Variants in OTUD4 observed in about 807,000 individuals in gnomAD.
OTUD4 encodes OTU domain-containing protein 4.
OTUD4 carries 24 observed loss-of-function variants against 130.4 expected under a neutral mutation model. That is an observed-to-expected ratio of 0.18 (90% confidence interval 0.13 to 0.26). The LOEUF (loss-of-function observed/expected upper bound fraction) is 0.26, where lower values mean the gene tolerates loss of function less well. Ranked by LOEUF, OTUD4 falls within the 10% of genes least tolerant of loss-of-function variation. OTUD4 has a pLI of 1.00. For synonymous variants in OTUD4, 420 were observed against 472.5 expected (o/e 0.89, Z 1.44); for missense variants, 1,031 against 1,329.4 (o/e 0.78, Z 3.49).
At position 145,142,045 on chromosome 4, in the gene OTUD4, T is replaced by C. The variant is rs538062818; in HGVS notation, c.1822+151A>G. The C allele has an allele frequency of 1.1e-4, 76 of 691,236 alleles. 1 individual carries two copies. In the South Asian group the frequency reaches 1.1e-3, roughly 10 times the overall value. 42.8% of individuals were successfully genotyped at this position (691,236 alleles called of 1,614,324 possible). A position where few individuals can be genotyped will look rare whatever the true frequency, so the allele number is the denominator to read the frequency against. ...ACCAAATGTACATGGTCTTTCCACATTGGAAGCAGAGCAAAGCAGAGTATC... is the reference window on the plus strand; with the variant it reads ...ACCAAATGTACATGGTCTTTCCACACTGGAAGCAGAGCAAAGCAGAGTATC... On this transcript the variant is annotated intron_variant, in intron 18 of 20. Transcript: ENST00000447906.
Position 145,138,705 on chromosome 4 carries a change from G to A in OTUD4, c.2125-55C>T, listed in dbSNP as rs1579238921. 8.6e-6 allele frequency: 13 copies of A among 1,504,032 alleles called. No individual in the cohort carries two copies. In the East Asian group the frequency reaches 2.7e-4, roughly 31 times the overall value. 93.2% of individuals were successfully genotyped at this position (1,504,032 alleles called of 1,614,324 possible). On this transcript the variant is annotated intron_variant, in intron 20 of 20. Coordinates refer to ENST00000447906, the MANE Select transcript of OTUD4 (RefSeq NM_001366057.1). ...AAAAGAGGAGAAAAAAGAGAGGTTT[G>A]GGTGGATATCAATCTACAAGTACTA...
Position 145,137,965 on chromosome 4 carries a change from G to C in OTUD4, c.2810C>G (p.Thr937Arg). 6.2e-7 allele frequency: 1 copy of C among 1,614,118 alleles called. No homozygotes were observed. The highest frequency in any genetic ancestry group is 2.2e-5 in the East Asian group (1 of 44,846). ...SVSSKPDEGR[T>R]EQSSQTRKAD... ...CTTTCGTGTCTGGGAAGATTGCTCT[G>C]TCCGGCCTTCGTCCGGCTTACTGCT... The change falls in exon 21 of 21, where the codon ACA becomes AGA. Residue 937 changes from threonine (T) to arginine (R), a missense_variant. Around this residue, in one of 3 missense-constraint regions of OTUD4, gnomAD observed 900 missense variants for 1,095.9 expected, o/e 0.82. Transcript: ENST00000447906.
intron 11 of OTUD4, 41 bp downstream of exon 11, chr4:145,152,500 G>A (rs373880244): frequency 9.5e-7 from 1 of 1,057,274 alleles, no homozygotes; most frequent in African/African-American, 1.6e-5. Flanking sequence ...TAGGCTAAAT[G>A]GAGGAGGCAG....
rs547179807 is a variant in OTUD4, at chr4:145,136,796, T to C, written c.*634A>G. 5.9e-5 allele frequency: 9 copies of C among 152,680 alleles called. No individual in the cohort carries two copies. Among genetic ancestry groups the C allele is most frequent in the African/African-American group, 2.2e-4 (9 of 41,568 alleles). 9.5% of individuals were successfully genotyped at this position (152,680 alleles called of 1,614,324 possible). On this transcript the variant is annotated 3_prime_UTR_variant, in exon 21 of 21. Transcript: ENST00000447906. Reference sequence around the variant, plus strand: ...AATATTAAAAGAACTATATACAACATTGCTAAGACACAGTTAATAGGCTGC... The same window carrying C: ...AATATTAAAAGAACTATATACAACACTGCTAAGACACAGTTAATAGGCTGC...
intron 5 of OTUD4, 143 bp downstream of exon 5, chr4:145,164,011 G>C (rs1751723205): frequency 1.9e-6 from 1 of 523,834 alleles, no homozygotes; most frequent in Non-Finnish European, 3.5e-6. Context: ...CCCGGCTATA[G>C]GAACTTTTAA....
intron 2 of OTUD4, among the ~76,000 whole-genome samples, chr4:145,173,959 G>T (rs1019578193): frequency 4.6e-5 from 7 of 151,408 alleles, no homozygotes; most frequent in Non-Finnish European, 1.0e-4. Context: ...AAAATTAAGG[G>T]TTCAGCATTA....
chr4:145,174,725 C>T lies in OTUD4; in HGVS notation c.179G>A (p.Arg60His), dbSNP rs773856292. 11 of 1,606,418 alleles carry T rather than the reference C, an allele frequency of 6.8e-6. No homozygotes were observed. Among genetic ancestry groups the T allele is most frequent in the Non-Finnish European group, 8.5e-6 (10 of 1,173,214 alleles). ...ACAGGCCATTCTGACTTCAACATGG[C>T]GAGACTGAGAGTGCAATACCTAAAA... is the stretch of plus-strand genomic sequence containing the variant. ...VAEQVLHSQS[R>H]HVEVRMACIH... The change falls in exon 2 of 21, where the codon CGC becomes CAC. Residue 60 changes from arginine (R) to histidine (H), a missense_variant. Coordinates refer to ENST00000447906, the MANE Select transcript of OTUD4 (RefSeq NM_001366057.1).
chr4:145,168,122 A>G (rs1368641968), intron 3 of OTUD4, among the ~76,000 whole-genome samples: 1 of 152,190 alleles, frequency 6.6e-6, no homozygotes, highest in Non-Finnish European at 1.5e-5. Context: ...TTTCTTGTAA[A>G]AAGAATTCCT....
intron 19 of OTUD4, 63 bp downstream of exon 19, chr4:145,141,316 C>A: frequency 2.1e-6 from 3 of 1,443,822 alleles, no homozygotes; most frequent in Non-Finnish European, 2.8e-6. Flanking sequence ...TACATCTCTT[C>A]ATTTCTTAAC....
chr4:145,146,882 T>C, intron 13 of OTUD4, among the ~76,000 whole-genome samples: 1 of 152,136 alleles, frequency 6.6e-6, no homozygotes, highest in East Asian at 1.9e-4. Flanking sequence ...GGTCCAATGG[T>C]CCAATGAGAC....
rs781304542 is a variant in OTUD4, at chr4:145,141,369, AG to A, written c.2083+9del. 3.0e-4 allele frequency: 472 copies of A among 1,566,476 alleles called. No homozygotes were observed. Among genetic ancestry groups the A allele is most frequent in the Non-Finnish European group, 4.0e-4 (462 of 1,157,672 alleles). On this transcript the variant is annotated intron_variant, in intron 19 of 20. Transcript: ENST00000447906. Reference sequence around the variant, plus strand: ...GATAAAGTCGATTTGAACTTGGAGAAGGAGCTCACCTTTAGGTAGGTCCTCC... The same window carrying A: ...GATAAAGTCGATTTGAACTTGGAGAAGAGCTCACCTTTAGGTAGGTCCTCC...
chr4:145,161,355 G>A (rs1751554994), intron 6 of OTUD4, among the ~76,000 whole-genome samples: 1 of 152,176 alleles, frequency 6.6e-6, no homozygotes, highest in Non-Finnish European at 1.5e-5. Context: ...ACACAGCCCA[G>A]GGTACAGAGG....
At position 145,176,169 on chromosome 4, in the gene OTUD4, T is replaced by C. The variant is rs985309523; in HGVS notation, c.160-1425A>G. ...CCTGGGCCTCTCAAAGTGCTGGGAT[T>C]ACAGACATGAGCCACCACGCCCGGC... On this transcript the variant is annotated intron_variant, in intron 1 of 20. Coordinates refer to ENST00000447906, the MANE Select transcript of OTUD4 (RefSeq NM_001366057.1). 2.6e-4 allele frequency among the ~76,000 whole-genome samples: 40 copies of C among 151,596 alleles called. 1 individual carries two copies. The highest frequency in any genetic ancestry group is 5.9e-5 in the Non-Finnish European group (4 of 67,884).
At chr4:145,169,252 T>A (rs903576445) in intron 3 of OTUD4, among the ~76,000 whole-genome samples, 1 of 152,198 alleles carries the variant, frequency 6.6e-6, no homozygotes, top group African/African-American at 2.4e-5. Flanking sequence ...TCTCATCAAA[T>A]TGTATATTTA....
At chr4:145,157,684 C>CAAA (rs923938636) in intron 7 of OTUD4, among the ~76,000 whole-genome samples, 31 of 43,870 alleles carry the variant, frequency 7.1e-4, no homozygotes, top group Non-Finnish European at 1.1e-3. Flanking sequence ...AACTCCGTCT[C>CAAA]AAAAAAAAAA....
At chr4:145,154,495 T>G (rs2126768077) in intron 10 of OTUD4, among the ~76,000 whole-genome samples, 1 of 152,326 alleles carries the variant, frequency 6.6e-6, no homozygotes, top group Middle Eastern at 3.4e-3. Flanking sequence ...AAGGCAACAC[T>G]TTTTGATGGA....
At chr4:145,164,308 C>A in intron 4 of OTUD4, 82 bp from the exon 5 acceptor site, 1 of 657,954 alleles carries the variant, frequency 1.5e-6, no homozygotes. Flanking sequence ...TCATCAAGGG[C>A]CTAATACGTG....
At chr4:145,144,169 T>C (rs1750713943) in intron 15 of OTUD4, 142 bp downstream of exon 15, 5 of 1,059,710 alleles carry the variant, frequency 4.7e-6, no homozygotes, top group South Asian at 4.5e-5. Flanking sequence ...CTTGAGTCAA[T>C]ACTTCTCTGC....
intron 6 of OTUD4, 148 bp downstream of exon 6, chr4:145,162,492 C>T (rs1751626877): frequency 2.4e-6 from 1 of 416,456 alleles, no homozygotes; most frequent in Non-Finnish European, 4.4e-6. Flanking sequence ...GCAGAGCTTG[C>T]AGTGAGCGGA....
Sources: allele counts gnomAD v4.1 joint callset (sites outside exome capture counted in the v4.1 genomes callset), GRCh38; gene constraint gnomAD v4.1.1; regional missense constraint gnomAD v4.1.1; transcripts MANE v1.5; gene names NCBI Gene and HGNC (gene_info 2026-07-23, HGNC 2026-07-21).